PCLO: variants seen among roughly 807,000 people sequenced by gnomAD.
PCLO encodes the protein protein piccolo.
PCLO carries 82 observed loss-of-function variants against 427.5 expected under a neutral mutation model. The ratio of observed to expected loss-of-function variants is 0.19; its 90% confidence interval spans 0.16 to 0.23. The LOEUF (loss-of-function observed/expected upper bound fraction) is 0.23. Among genes scored for constraint, PCLO ranks in the 10% least tolerant of loss-of-function variants. The pLI is 1.00. For missense variants in PCLO, 6,239 were observed against 6,115.9 expected, an observed-to-expected ratio of 1.02 and a Z score of -0.67; for synonymous variants, 2,357 against 2,155.4, an observed-to-expected ratio of 1.09 and a Z score of -2.59.
At chr7:82,924,518 A>C (rs914171004) in intron 6 of PCLO, among the ~76,000 whole-genome samples, 5 of 152,080 alleles carry the variant, frequency 3.3e-5, no homozygotes, top group Admixed American at 2.0e-4. Context: ...ACCCTATAAA[A>C]ATCTTGAAAA....
chr7:82,999,020 AAACACTGT>A (rs1787707024), intron 3 of PCLO, among the ~76,000 whole-genome samples: 1 of 151,052 alleles, frequency 6.6e-6, no homozygotes, highest in South Asian at 2.1e-4. Context: ...GGGATAAAAA[AAACACTGT>A]AACAGAAATG....
rs369629236 is a variant in PCLO at position 82,952,999 on chromosome 7, G to T, written c.7954C>A (p.Pro2652Thr). The T allele has an allele frequency of 1.2e-6, 2 of 1,613,896 alleles. No homozygotes were observed. Among genetic ancestry groups the T allele is most frequent in the Non-Finnish European group, 1.7e-6 (2 of 1,179,850 alleles). ...TGAAATGAAGAGGGTGCTGTGACAG[G>T]GGTAGCAGAAAATGTCTGTAAAGCT... ...SGALQTFSAT[P>T]VTAPSSFQAA... is the part of the protein sequence containing the mutation. Residue 2652 changes from proline (P) to threonine (T), a missense_variant, in exon 5 of 25, where the codon CCT (proline) becomes ACT (threonine). Pro to Thr is a conservative substitution (Grantham distance 38). Coordinates refer to ENST00000333891, the MANE Select transcript of PCLO (RefSeq NM_033026.6).
rs1012447548 is a variant in PCLO at position 83,029,852 on chromosome 7, A to G, written c.3301-63365T>C. 8.1e-5 allele frequency among the ~76,000 whole-genome samples: 12 copies of G among 147,610 alleles called. No individual in the cohort carries two copies. The South Asian group carries it at 8.9e-4, about 11-fold the overall frequency. On this transcript the variant is annotated intron_variant, in intron 3 of 24. Transcript: ENST00000333891. Reference sequence around the variant, plus strand: ...TGGAAATCATCATTCTCAGTAAACTATCGCAAGAACAAAAAACCAAACACC... The same window carrying G: ...TGGAAATCATCATTCTCAGTAAACTGTCGCAAGAACAAAAAACCAAACACC...
chr7:82,810,974 T>C (rs1344061345), intron 20 of PCLO, among the ~76,000 whole-genome samples: 7 of 151,700 alleles, frequency 4.6e-5, no homozygotes, highest in Non-Finnish European at 8.9e-5. Flanking sequence ...TTCCAAAAAA[T>C]TAGTGTTTGG....
chr7:82,897,256 C>T (rs915367720), intron 9 of PCLO, among the ~76,000 whole-genome samples: 1 of 151,526 alleles, frequency 6.6e-6, no homozygotes, highest in Non-Finnish European at 1.5e-5. Flanking sequence ...AATTCCAAAA[C>T]GTATTACCTA....
chr7:82,820,407 C>G, intron 20 of PCLO: 1 of 629,818 alleles, frequency 1.6e-6, no homozygotes. Flanking sequence ...GCAACGAAAT[C>G]AATTGAGAAA....
In PCLO at chr7:82,950,845, T is replaced by C. The variant is rs1466954101; in HGVS notation, c.9743A>G (p.Gln3248Arg). The stretch of plus-strand genomic sequence containing the variant: ...CTTTTTCTGAACCATGATCTTTTCT[T>C]GTTCTCGGAACCTTTGAATTTCCTG... Reference protein sequence around the residue: ...ERQEIQRFREQEKIMVQKKLE... With the variant: ...ERQEIQRFREREKIMVQKKLE... Residue 3248 changes from glutamine to arginine, a missense_variant, in exon 6 of 25, where the codon CAA becomes CGA. Coordinates refer to ENST00000333891, the MANE Select transcript of PCLO (RefSeq NM_033026.6). 2 of 1,613,716 alleles carry C rather than the reference T, an allele frequency of 1.2e-6. No homozygotes were observed. Among genetic ancestry groups the C allele is most frequent in the South Asian group, 2.2e-5 (2 of 91,086 alleles).
intron 1 of PCLO, among the ~76,000 whole-genome samples, chr7:83,159,926 C>A (rs1792391062): frequency 6.6e-6 from 1 of 152,032 alleles, no homozygotes; most frequent in Non-Finnish European, 1.5e-5. Flanking sequence ...ATCTGGTATC[C>A]TCACTCCTGG....
chr7:82,764,369 C>G (rs907443968), intron 22 of PCLO, among the ~76,000 whole-genome samples: 5 of 151,446 alleles, frequency 3.3e-5, no homozygotes, highest in Non-Finnish European at 7.4e-5. Context: ...ACCCAGAGGC[C>G]AAGTGGAGAA....
chr7:82,819,774 A>G (rs1791751468), intron 20 of PCLO, among the ~76,000 whole-genome samples: 1 of 152,182 alleles, frequency 6.6e-6, no homozygotes, highest in Admixed American at 6.5e-5. Flanking sequence ...GGAGAAGGAC[A>G]TATGAAATGT....
intron 3 of PCLO, 123 bp from the exon 4 acceptor site, chr7:82,966,610 C>T: frequency 2.0e-6 from 1 of 493,802 alleles, no homozygotes; most frequent in South Asian, 4.8e-5. Context: ...GAAGGTGGGT[C>T]ACTGTTTTCC....
At chr7:82,877,806 C>T (rs1328690944) in intron 10 of PCLO, among the ~76,000 whole-genome samples, 1 of 152,128 alleles carries the variant, frequency 6.6e-6, no homozygotes, top group Non-Finnish European at 1.5e-5. Flanking sequence ...GCTGGGATTA[C>T]AGGCTCCCGC....
At chr7:82,758,963 G>A (rs2129467471) in intron 24 of PCLO, among the ~76,000 whole-genome samples, 1 of 151,954 alleles carries the variant, frequency 6.6e-6, no homozygotes, top group South Asian at 2.1e-4. Context: ...ACATTCTGAA[G>A]AATGTGAGAA....
At position 82,756,552 on chromosome 7, in the gene PCLO, A is replaced by C. The variant is rs530313511; in HGVS notation, c.*2023T>G. Reference sequence around the variant, plus strand: ...ATTCTGAAGTCATATATATATATATATATCCTGGGATATATTAGAAATTCT... The same window carrying C: ...ATTCTGAAGTCATATATATATATATCTATCCTGGGATATATTAGAAATTCT... On this transcript the variant is annotated 3_prime_UTR_variant, in exon 25 of 25. Coordinates refer to ENST00000333891, the MANE Select transcript of PCLO (RefSeq NM_033026.6). 2 of 139,210 alleles carry C rather than the reference A, an allele frequency of 1.4e-5. No homozygotes were observed. The highest frequency in any genetic ancestry group is 1.5e-4 in the Admixed American group (2 of 13,592). The allele number at this position is 139,210 out of a possible 1,614,324, so 8.6% of individuals were successfully genotyped here. A position where few individuals can be genotyped will look rare whatever the true frequency, so the allele number is the denominator to read the frequency against.
At chr7:82,760,349 A>C (rs981030510) in intron 24 of PCLO, among the ~76,000 whole-genome samples, 17 of 151,926 alleles carry the variant, frequency 1.1e-4, no homozygotes, top group African/African-American at 4.1e-4. Context: ...AAATGATTTG[A>C]ATAACAAAGA....
Position 82,760,783 on chromosome 7 carries a change from A to T in PCLO, c.15144T>A (p.Asp5048Glu). The T allele has an allele frequency of 7.0e-7, 1 of 1,423,216 alleles. No individual in the cohort carries two copies. Among genetic ancestry groups the T allele is most frequent in the South Asian group, 1.3e-5 (1 of 79,668 alleles). The allele number at this position is 1,423,216 out of a possible 1,614,324, so 88.2% of individuals were successfully genotyped here. A position where few individuals can be genotyped will look rare whatever the true frequency, so the allele number is the denominator to read the frequency against. The change falls in exon 24 of 25, where the codon GAT becomes GAA. Residue 5048 changes from aspartate to glutamate, a missense_variant and splice_region_variant. Coordinates refer to ENST00000333891, the MANE Select transcript of PCLO (RefSeq NM_033026.6). ...TCATCACATATATTTTCACATATAA[A>T]TCTGAAAATAAGAATTCAGCCCATT... ...YKFKSPDHLP[D>E]LYVKIYVMNI...
Position 83,154,982 on chromosome 7 carries a change from T to C in PCLO, c.1659A>G (p.Gln553=), listed in dbSNP as rs375325495. Residue 553 remains glutamine, a synonymous_variant, in exon 2 of 25, where the codon CAA becomes CAG. Coordinates refer to ENST00000333891, the MANE Select transcript of PCLO (RefSeq NM_033026.6). ...CTGTTTGGCTTACTGGTTTTGTAGA[T>C]TGCTGAGCCGAGGGCTTTGCTGGGC... ...QPSPAKPSAQ[Q]STKPVSQTGS... is the part of the protein sequence containing the mutation. 2.5e-5 allele frequency: 41 copies of C among 1,613,858 alleles called. No homozygotes were observed. Among genetic ancestry groups the C allele is most frequent in the African/African-American group, 4.0e-5 (3 of 74,920 alleles).
chr7:82,981,266 T>TA lies in PCLO; in HGVS notation c.3301-14780dup, dbSNP rs1796140929. On this transcript the variant is annotated intron_variant, in intron 3 of 24. Transcript: ENST00000333891. The stretch of plus-strand genomic sequence containing the variant: ...TTAAAAAAAAAAAAGATTCAGATCT[T>TA]AAAGAATACAGAGGGTACTTAGGCC... Among the ~76,000 whole-genome samples the TA allele has an allele frequency of 1.3e-5, 2 of 151,546 alleles. 1 individual carries two copies. Among genetic ancestry groups the TA allele is most frequent in the South Asian group, 4.2e-4 (2 of 4,802 alleles).
intron 10 of PCLO, among the ~76,000 whole-genome samples, chr7:82,859,568 C>T: frequency 6.6e-6 from 1 of 152,188 alleles, no homozygotes; most frequent in Non-Finnish European, 1.5e-5. Flanking sequence ...CCCCCTAAAG[C>T]AGACATAGCT....
Sources: allele counts gnomAD v4.1 joint callset (sites outside exome capture counted in the v4.1 genomes callset), GRCh38; gene constraint gnomAD v4.1.1; transcripts MANE v1.5; gene names NCBI Gene and HGNC (gene_info 2026-07-23, HGNC 2026-07-21).